WDHD1: variants seen among roughly 807,000 people sequenced by gnomAD.
WDHD1 encodes WD repeat and HMG-box DNA-binding protein 1.
Under a neutral mutation model 135.4 loss-of-function variants are expected in WDHD1, and 111 were observed. The observed-to-expected ratio is 0.82, with a 90% CI of 0.70 to 0.96. The LOEUF is 0.96. Among genes scored for constraint, WDHD1 ranks in the 40% least tolerant of loss-of-function variants. The pLI is 0.00. For missense variants in WDHD1, 1,351 were observed against 1,336.3 expected (o/e 1.01, Z -0.17); for synonymous variants, 434 against 439.0 (o/e 0.99, Z 0.14).
intron 24 of WDHD1, among the ~76,000 whole-genome samples, chr14:54,950,249 A>G (rs1049176664): frequency 1.3e-5 from 2 of 152,240 alleles, no homozygotes; most frequent in East Asian, 1.9e-4. Flanking sequence ...CAGGAGACCC[A>G]TGTCATGTGC....
intron 16 of WDHD1, 116 bp downstream of exon 16, chr14:54,981,424 T>C (rs2041617021): frequency 6.1e-6 from 6 of 990,534 alleles, no homozygotes; most frequent in African/African-American, 1.7e-5. Flanking sequence ...TTAGTGACTA[T>C]GGAAAGCAAG....
intron 16 of WDHD1, among the ~76,000 whole-genome samples, chr14:54,980,215 C>T (rs971969951): frequency 1.3e-5 from 2 of 151,640 alleles, no homozygotes; most frequent in Admixed American, 1.3e-4. Context: ...ACTTGGAAGG[C>T]TAAGGTGGGA....
intron 16 of WDHD1, among the ~76,000 whole-genome samples, chr14:54,980,468 A>G (rs2041599266): frequency 6.6e-6 from 1 of 152,144 alleles, no homozygotes; most frequent in South Asian, 2.1e-4. Flanking sequence ...TACATATGCC[A>G]GCAGCAGTAC....
rs778549850 is a variant in WDHD1 at position 55,008,633 on chromosome 14, G to A, written c.428C>T (p.Ser143Phe). Residue 143 changes from serine (S) to phenylalanine (F), a missense_variant, in exon 5 of 26, where the codon TCC becomes TTC. This residue lies in a region of WDHD1 where 1,330 missense variants were observed against 1,296.1 expected (regional missense o/e 1.03). Transcript: ENST00000360586. ...RGHDAPVLSL[S>F]FDPKDIFLAS... is the part of the protein sequence containing the mutation. The stretch of plus-strand genomic sequence containing the variant: ...CAGAAAGATGTCCTTAGGATCAAAG[G>A]AAAGACTTAAAACAGGGGCATCATG... 6.8e-6 allele frequency: 11 copies of A among 1,610,226 alleles called. No individual in the cohort carries two copies. In the African/African-American group the frequency reaches 1.3e-4, roughly 20 times the overall value.
At chr14:54,992,151 G>A (rs868452756) in intron 11 of WDHD1, among the ~76,000 whole-genome samples, 7 of 151,530 alleles carry the variant, frequency 4.6e-5, no homozygotes, top group African/African-American at 1.2e-4. Context: ...CCATCTACTC[G>A]GGAGGCTGAG....
intron 23 of WDHD1, 52 bp downstream of exon 23, chr14:54,956,982 G>C (rs2041169689): frequency 6.4e-7 from 1 of 1,570,562 alleles, no homozygotes; most frequent in African/African-American, 1.4e-5. Flanking sequence ...CAAAACTGAA[G>C]ACAAACAGAT....
At chr14:55,015,342 G>A (rs1379828888) in intron 2 of WDHD1, among the ~76,000 whole-genome samples, 6 of 118,642 alleles carry the variant, frequency 5.1e-5, no homozygotes, top group African/African-American at 1.9e-4. Context: ...AGCCGAGATC[G>A]CACTACTGTA....
At chr14:54,949,407 C>A (rs144222477) in intron 24 of WDHD1, among the ~76,000 whole-genome samples, 2 of 151,808 alleles carry the variant, frequency 1.3e-5, no homozygotes, top group Admixed American at 6.6e-5. Context: ...TATCAGTGAT[C>A]AAAGATCAAA....
intron 16 of WDHD1, among the ~76,000 whole-genome samples, chr14:54,980,680 T>TA (rs1403866971): frequency 6.6e-6 from 1 of 151,676 alleles, no homozygotes; most frequent in African/African-American, 2.4e-5. Flanking sequence ...GGCACATGCC[T>TA]ATGTAATCTC....
chr14:55,008,842 C>G, intron 4 of WDHD1, 123 bp from the exon 5 acceptor site: 1 of 732,140 alleles, frequency 1.4e-6, no homozygotes, highest in Non-Finnish European at 2.1e-6. Flanking sequence ...ACTCTGTCAC[C>G]CAGGCTGGAG....
rs1566701254 is a variant in WDHD1 at position 54,944,475 on chromosome 14, A to G, written c.3051-5T>C. 6.3e-7 allele frequency: 1 copy of G among 1,576,894 alleles called. No individual in the cohort carries two copies. Among genetic ancestry groups the G allele is most frequent in the Non-Finnish European group, 8.5e-7 (1 of 1,169,670 alleles). On this transcript the variant is annotated splice_region_variant and splice_polypyrimidine_tract_variant and intron_variant, in intron 24 of 25. Coordinates refer to ENST00000360586, the MANE Select transcript of WDHD1 (RefSeq NM_007086.4). ...ATCTGGAACCCGGTCTTTGGCCTAA[A>G]ATCACAATTATGTGAAAACATTTTA...
intron 24 of WDHD1, among the ~76,000 whole-genome samples, chr14:54,947,988 G>C (rs1232009161): frequency 6.6e-6 from 1 of 151,758 alleles, no homozygotes; most frequent in African/African-American, 2.4e-5. Context: ...GGCCAAGGTG[G>C]GCAGATCACC....
At chr14:54,947,138 A>C (rs988010933) in intron 24 of WDHD1, among the ~76,000 whole-genome samples, 6 of 151,896 alleles carry the variant, frequency 4.0e-5, no homozygotes, top group Non-Finnish European at 7.4e-5. Flanking sequence ...TCAGGAGTTC[A>C]AGACCAGCCT....
At chr14:55,001,791 C>A (rs577389024) in intron 8 of WDHD1, among the ~76,000 whole-genome samples, 82 of 152,306 alleles carry the variant, frequency 5.4e-4, no homozygotes, top group Middle Eastern at 3.4e-3. Context: ...TCTAAAATTT[C>A]AGAGTCCATG....
chr14:55,021,583 A>G (rs1384980660), intron 2 of WDHD1, among the ~76,000 whole-genome samples: 1 of 152,150 alleles, frequency 6.6e-6, no homozygotes, highest in Non-Finnish European at 1.5e-5. Flanking sequence ...CCGGGGTCTC[A>G]TCATGTTGGC....
At chr14:54,972,163 T>C (rs2140178911) in intron 16 of WDHD1, among the ~76,000 whole-genome samples, 1 of 151,590 alleles carries the variant, frequency 6.6e-6, no homozygotes, top group African/African-American at 2.4e-5. Context: ...TAGTCCCAGC[T>C]ACTCAGGAGG....
rs149109167 is a variant in WDHD1, at chr14:55,021,995, T to C, written c.77+4716A>G. 1.6e-4 allele frequency among the ~76,000 whole-genome samples: 25 copies of C among 152,332 alleles called. No individual in the cohort carries two copies. The East Asian group carries it at 3.1e-3, about 19-fold the overall frequency. On this transcript the variant is annotated intron_variant, in intron 2 of 25. Coordinates refer to ENST00000360586, the MANE Select transcript of WDHD1 (RefSeq NM_007086.4). ...ACAATCCTTTCCATAGATTAGTTTATGTAATGAGCCCGTAAAGGCCTGTAT... is the reference window on the plus strand; with the variant it reads ...ACAATCCTTTCCATAGATTAGTTTACGTAATGAGCCCGTAAAGGCCTGTAT...
At position 54,965,993 on chromosome 14, in the gene WDHD1, A is replaced by T. The variant is rs368454975; in HGVS notation, c.2310+482T>A. Among the ~76,000 whole-genome samples the T allele has an allele frequency of 1.3e-4, 20 of 151,364 alleles. 3 individuals are homozygous for T. The highest frequency in any genetic ancestry group is 9.9e-4 in the Admixed American group (15 of 15,138). ...AGAAAAAAATTTTAACTGCAAGACC[A>T]ACTAGAAGATAGAACTTTACAAGGG... On this transcript the variant is annotated intron_variant, in intron 18 of 25. Coordinates refer to ENST00000360586, the MANE Select transcript of WDHD1 (RefSeq NM_007086.4).
At chr14:54,974,745 T>G (rs1467579655) in intron 16 of WDHD1, among the ~76,000 whole-genome samples, 1 of 152,152 alleles carries the variant, frequency 6.6e-6, no homozygotes, top group Admixed American at 6.5e-5. Context: ...AAGAATCACT[T>G]GAACCCGGAA....
Sources: allele counts gnomAD v4.1 joint callset (sites outside exome capture counted in the v4.1 genomes callset), GRCh38; gene constraint gnomAD v4.1.1; regional missense constraint gnomAD v4.1.1; transcripts MANE v1.5; gene names NCBI Gene and HGNC (gene_info 2026-07-23, HGNC 2026-07-21).